The following DLGAP2 variants were observed in gnomAD, a reference collection of about 807,000 sequenced individuals.
The protein encoded by DLGAP2 is disks large-associated protein 2.
In DLGAP2, 26 loss-of-function variants were observed where a neutral mutation model predicts 100.3. That is an observed-to-expected ratio of 0.26 (90% CI 0.19 to 0.36). The LOEUF (loss-of-function observed/expected upper bound fraction) is 0.36. Ranked by LOEUF, DLGAP2 falls within the 10% of genes least tolerant of loss-of-function variation. The pLI is 1.00. For missense variants in DLGAP2, 1,858 were observed against 1,453.2 expected (o/e 1.28, Z -4.53); for synonymous variants, 886 against 630.1 (o/e 1.41, Z -6.08).
intron 3 of DLGAP2, among the ~76,000 whole-genome samples, chr8:1,284,047 T>A (rs969940190): frequency 2.0e-5 from 3 of 152,356 alleles, no homozygotes; most frequent in African/African-American, 7.2e-5. Context: ...GACAAGTATG[T>A]GGCCTTCTTG....
intron 8 of DLGAP2, among the ~76,000 whole-genome samples, chr8:1,641,499 C>T (rs954196933): frequency 9.2e-5 from 14 of 152,252 alleles, no homozygotes; most frequent in Non-Finnish European, 1.8e-4. Context: ...CTTGTCTAGA[C>T]GAATTAATCA....
At chr8:1,145,351 C>G (rs898106885) in intron 2 of DLGAP2, among the ~76,000 whole-genome samples, 29 of 152,148 alleles carry the variant, frequency 1.9e-4, no homozygotes, top group African/African-American at 7.0e-4. Flanking sequence ...GTGGTGGACC[C>G]TGGAGCATGG....
rs76276553 is a variant in DLGAP2 at position 1,444,755 on chromosome 8, T to C, written c.107-56611T>C. ...CATAGTAGGCATTTCATGATCATGC[T>C]TTGAGCCAGGTCATTCTTTTTTTTT... On this transcript the variant is annotated intron_variant, in intron 3 of 14. Transcript: ENST00000637795. 7.0e-3 allele frequency among the ~76,000 whole-genome samples: 1,059 copies of C among 151,106 alleles called. 15 individuals are homozygous for C. Among genetic ancestry groups the C allele is most frequent in the African/African-American group, 0.024 (977 of 41,076 alleles).
rs535520026 is a variant in DLGAP2 at position 1,704,134 on chromosome 8, T to C, written c.*2728T>C. The C allele has an allele frequency of 6.6e-6, 1 of 152,668 alleles. No homozygotes were observed. The highest frequency in any genetic ancestry group is 1.5e-5 in the Non-Finnish European group (1 of 68,046). The allele number at this position is 152,668 out of a possible 1,614,324, so 9.5% of individuals were successfully genotyped here. On this transcript the variant is annotated 3_prime_UTR_variant, in exon 15 of 15. Coordinates refer to ENST00000637795, the MANE Select transcript of DLGAP2 (RefSeq NM_001346810.2). ...CTTGTGTTAGTCACTCGAGCTAGCT[T>C]ATTTCAGCCACTTCTAGCAGATCAT...
intron 1 of DLGAP2, among the ~76,000 whole-genome samples, chr8:805,880 G>A (rs1796259297): frequency 1.3e-5 from 2 of 152,212 alleles, no homozygotes; most frequent in Non-Finnish European, 2.9e-5. Context: ...TTGTTTGGAT[G>A]TGGTCCAGGC....
chr8:1,558,206 C>G, intron 5 of DLGAP2, among the ~76,000 whole-genome samples: 1 of 152,196 alleles, frequency 6.6e-6, no homozygotes, highest in East Asian at 1.9e-4. Flanking sequence ...GGCTCCCATT[C>G]CAAGCATGAG....
chr8:975,148 A>G (rs1334977612), intron 2 of DLGAP2, among the ~76,000 whole-genome samples: 1 of 152,218 alleles, frequency 6.6e-6, no homozygotes, highest in Admixed American at 6.5e-5. Flanking sequence ...CCTGCATGAA[A>G]TGGACAAGTT....
At chr8:753,412 AGGGCCTT>A (rs1424275068) in intron 1 of DLGAP2, 1 of 152,224 alleles carries the variant, frequency 6.6e-6, no homozygotes. Flanking sequence ...AGGAAGAATA[AGGGCCTT>A]GAAATCATAA....
intron 3 of DLGAP2, among the ~76,000 whole-genome samples, chr8:1,407,553 C>T (rs1554460971): frequency 7.9e-6 from 1 of 126,942 alleles, no homozygotes; most frequent in Non-Finnish European, 1.7e-5. Context: ...CTGAGCGCCA[C>T]CTCCTCATCC....
chr8:741,981 G>A (rs778633460), intron 1 of DLGAP2, among the ~76,000 whole-genome samples: 10 of 152,244 alleles, frequency 6.6e-5, no homozygotes, highest in Non-Finnish European at 1.0e-4. Context: ...GAGAAGGGCG[G>A]CTGTTATGCA....
At chr8:1,386,714 C>G (rs747120490) in intron 3 of DLGAP2, among the ~76,000 whole-genome samples, 2 of 152,090 alleles carry the variant, frequency 1.3e-5, no homozygotes, top group Admixed American at 6.5e-5. Context: ...AGGTTAGCAG[C>G]TGAGGAGATG....
intron 3 of DLGAP2, among the ~76,000 whole-genome samples, chr8:1,329,687 A>T (rs1420340263): frequency 6.6e-6 from 1 of 152,124 alleles, no homozygotes; most frequent in African/African-American, 2.4e-5. Flanking sequence ...ATGGGGGTGA[A>T]TGAAGATGAG....
intron 1 of DLGAP2, among the ~76,000 whole-genome samples, chr8:819,762 C>T (rs561568878): frequency 5.3e-4 from 81 of 152,116 alleles, no homozygotes; most frequent in Non-Finnish European, 1.1e-3. Flanking sequence ...AACAATGAAA[C>T]ACCTGGGAGG....
At position 967,159 on chromosome 8, in the gene DLGAP2, C is replaced by T. The variant is rs148615753; in HGVS notation, c.73+59193C>T. ...AGGTGGCTGGGCCATCGCTGACATT[C>T]GTGCTTTCACTGCCTGTGTCATGTG... On this transcript the variant is annotated intron_variant, in intron 2 of 14. Coordinates refer to ENST00000637795, the MANE Select transcript of DLGAP2 (RefSeq NM_001346810.2). Among the ~76,000 whole-genome samples, 12 of 152,378 alleles carry T rather than the reference C, an allele frequency of 7.9e-5. No homozygotes were observed. The East Asian group carries it at 1.9e-3, about 24-fold the overall frequency.
chr8:1,380,959 A>AAC (rs1796080406), intron 3 of DLGAP2: 1 of 147,500 alleles, frequency 6.8e-6, no homozygotes, highest in Admixed American at 6.9e-5. Flanking sequence ...AAAAAAAAAA[A>AAC]ACACCCAAAA....
chr8:1,287,719 G>C (rs1799972175), intron 3 of DLGAP2, among the ~76,000 whole-genome samples: 1 of 9,476 alleles, frequency 1.1e-4, no homozygotes, highest in Non-Finnish European at 1.8e-4. Context: ...GTGTGTGTGT[G>C]TATGTGTGTG....
At chr8:1,005,145 T>C (rs1384758480) in intron 2 of DLGAP2, among the ~76,000 whole-genome samples, 1 of 152,230 alleles carries the variant, frequency 6.6e-6, no homozygotes, top group East Asian at 1.9e-4. Flanking sequence ...GGTGCATCTA[T>C]GTGGAGTTCC....
intron 2 of DLGAP2, among the ~76,000 whole-genome samples, chr8:1,009,572 C>A (rs1234605934): frequency 1.3e-5 from 2 of 152,180 alleles, no homozygotes; most frequent in Non-Finnish European, 2.9e-5. Context: ...TCACACTGTT[C>A]ATAGTGGAAG....
chr8:1,590,474 G>T (rs932100204), intron 6 of DLGAP2, among the ~76,000 whole-genome samples: 1 of 152,154 alleles, frequency 6.6e-6, no homozygotes, highest in Non-Finnish European at 1.5e-5. Flanking sequence ...GGTGACCATG[G>T]TGATTTTGCT....
Sources: allele counts gnomAD v4.1 joint callset (sites outside exome capture counted in the v4.1 genomes callset), GRCh38; gene constraint gnomAD v4.1.1; transcripts MANE v1.5; gene names NCBI Gene and HGNC (gene_info 2026-07-23, HGNC 2026-07-21).